The following EXD2 variants were observed in gnomAD, a reference collection of about 807,000 sequenced individuals.
The protein encoded by EXD2 is exonuclease 3'-5' domain-containing protein 2.
Under a neutral mutation model 62.5 loss-of-function variants are expected in EXD2, and 40 were observed. The ratio of observed to expected loss-of-function variants is 0.64; its 90% CI spans 0.50 to 0.83. The LOEUF is 0.83. EXD2 is among the 40% of genes least tolerant of loss of function. The probability of loss-of-function intolerance (pLI) is 0.00; values close to 1 mark genes in which losing one functional copy is unlikely to be tolerated. For missense variants in EXD2, 671 were observed against 761.8 expected, an observed-to-expected ratio of 0.88 and a Z score of 1.40; for synonymous variants, 239 against 291.9, an observed-to-expected ratio of 0.82 and a Z score of 1.85.
rs546968027 is a variant in EXD2, at chr14:69,228,866, C to T, written c.384C>T (p.Ser128=). ...CTCTGTCACTTCTACAAATGGCCTCCCCAAGTGGCCTGTGTGTCTTGGTTC... is the reference window on the plus strand; with the variant it reads ...CTCTGTCACTTCTACAAATGGCCTCTCCAAGTGGCCTGTGTGTCTTGGTTC... ...ASPLSLLQMA[S]PSGLCVLVRL... The change falls in exon 4 of 10, where the codon TCC becomes TCT. Residue 128 remains serine, a synonymous_variant. Coordinates refer to ENST00000685843, the MANE Select transcript of EXD2 (RefSeq NM_001193360.2). 296 of 1,614,128 alleles carry T rather than the reference C, an allele frequency of 1.8e-4. 2 individuals are homozygous for T. In the South Asian group the frequency reaches 3.1e-3, roughly 17 times the overall value.
intron 3 of EXD2, among the ~76,000 whole-genome samples, chr14:69,210,942 G>T (rs1327408379): frequency 6.6e-6 from 1 of 152,202 alleles, no homozygotes; most frequent in African/African-American, 2.4e-5. Context: ...TCAGCAAGTT[G>T]TAATCTTTTT....
intron 5 of EXD2, among the ~76,000 whole-genome samples, chr14:69,233,400 A>G (rs1249112890): frequency 1.3e-5 from 2 of 151,578 alleles, no homozygotes; most frequent in Non-Finnish European, 2.9e-5. Flanking sequence ...TTAAAATTTT[A>G]GTTTTTTTTT....
intron 2 of EXD2, among the ~76,000 whole-genome samples, chr14:69,208,579 C>T (rs900191732): frequency 6.6e-6 from 1 of 152,206 alleles, no homozygotes; most frequent in African/African-American, 2.4e-5. Flanking sequence ...GCTGTATACT[C>T]ATTTCTTTCT....
intron 5 of EXD2, among the ~76,000 whole-genome samples, chr14:69,231,372 G>A (rs114352320): frequency 0.013 from 2,010 of 152,066 alleles, 42 homozygotes; most frequent in African/African-American, 0.047. Flanking sequence ...ACATCATACT[G>A]TGGGAGATAC....
In EXD2 at chr14:69,202,071, G is replaced by T. The variant is rs556262806; in HGVS notation, c.-131-1846G>T. 1.5e-3 allele frequency among the ~76,000 whole-genome samples: 224 copies of T among 152,184 alleles called. 1 individual carries two copies. Among genetic ancestry groups the T allele is most frequent in the African/African-American group, 5.2e-3 (214 of 41,506 alleles). On this transcript the variant is annotated intron_variant, in intron 1 of 9. Coordinates refer to ENST00000685843, the MANE Select transcript of EXD2 (RefSeq NM_001193360.2). ...TTTGGGAGGTTGATGTGGGCAGATC[G>T]CTTGAGCTCAGGAGTTCAAGACCAG...
chr14:69,207,850 TGC>T lies in EXD2; in HGVS notation c.-47-1573_-47-1572del, dbSNP rs1407995446. Among the ~76,000 whole-genome samples the T allele has an allele frequency of 3.9e-5, 6 of 152,206 alleles. No homozygotes were observed. The South Asian group carries it at 8.3e-4, about 21-fold the overall frequency. Reference sequence around the variant, plus strand: ...TCATCAGCTTGTGCCGAATGGTTGCTGCTCCATGTTTTCTCCCTGGCCCTGAG... The same window carrying T: ...TCATCAGCTTGTGCCGAATGGTTGCTTCCATGTTTTCTCCCTGGCCCTGAG... On this transcript the variant is annotated intron_variant, in intron 2 of 9. Transcript: ENST00000685843.
chr14:69,236,217 A>C (rs1292447699), intron 7 of EXD2, 65 bp downstream of exon 7: 4 of 1,523,088 alleles, frequency 2.6e-6, no homozygotes, highest in Non-Finnish European at 3.6e-6. Context: ...AGGAGTGGGG[A>C]GTGAGATAAG....
intron 1 of EXD2, chr14:69,196,349 G>A (rs1257359411): frequency 6.6e-6 from 1 of 152,122 alleles, no homozygotes; most frequent in Non-Finnish European, 1.5e-5. Context: ...TATCTTTTTG[G>A]GGAATACGAT....
Position 69,206,455 on chromosome 14 carries a change from CTTTTTTTTTTTT to C in EXD2, c.-48+2475_-48+2486del, listed in dbSNP as rs56333403. 1.2e-3 allele frequency among the ~76,000 whole-genome samples: 109 copies of C among 94,640 alleles called. 2 individuals are homozygous for C. Among genetic ancestry groups the C allele is most frequent in the African/African-American group, 4.0e-3 (88 of 22,180 alleles). 62.1% of individuals were successfully genotyped at this position (94,640 alleles called of 152,430 possible). On this transcript the variant is annotated intron_variant, in intron 2 of 9. Coordinates refer to ENST00000685843, the MANE Select transcript of EXD2 (RefSeq NM_001193360.2). ...CCCAGCTTCATCTCCCACCCACCCA[CTTTTTTTTTTTT>C]TTTTTTTTTTTTTTTTTTTGAGATA... is the stretch of plus-strand genomic sequence containing the variant.
chr14:69,240,536 G>T (rs2043946069), intron 9 of EXD2, among the ~76,000 whole-genome samples: 1 of 152,130 alleles, frequency 6.6e-6, no homozygotes, highest in African/African-American at 2.4e-5. Context: ...TAAAAGAGGG[G>T]TGAACTGGTC....
rs1194042725 is a variant in EXD2 at position 69,192,561 on chromosome 14, C to T, written c.-132+970C>T. Among the ~76,000 whole-genome samples, 11 of 151,858 alleles carry T rather than the reference C, an allele frequency of 7.2e-5. No individual in the cohort carries two copies. In the East Asian group the frequency reaches 1.2e-3, roughly 16 times the overall value. On this transcript the variant is annotated intron_variant, in intron 1 of 9. Coordinates refer to ENST00000685843, the MANE Select transcript of EXD2 (RefSeq NM_001193360.2). ...AGGGTGGGGAGTGTGGAAGACAGATCCTCTTTGATTTTGTTTTTTTCCATC... is the reference window on the plus strand; with the variant it reads ...AGGGTGGGGAGTGTGGAAGACAGATTCTCTTTGATTTTGTTTTTTTCCATC...
At chr14:69,226,620 C>T (rs1223959122) in intron 3 of EXD2, among the ~76,000 whole-genome samples, 26 of 151,968 alleles carry the variant, frequency 1.7e-4, no homozygotes, top group Admixed American at 1.6e-3. Context: ...TGGTGGCAGG[C>T]GCCTATAATC....
Position 69,230,500 on chromosome 14 carries a change from CT to C in EXD2, c.620del (p.Leu207ArgfsTer9). ...CAATTTGCTCTGTAATGGGCTTAGC[CT>C]GAAGTCCCTCGCTGAGACTGTTTTG... The part of the protein sequence containing the change: ...RNNLLCNGLS[L>X]KSLAETVLNF... On this transcript the variant is annotated frameshift_variant, in exon 5 of 10. Transcript: ENST00000685843. LOFTEE classifies it high-confidence loss of function. 1 of 1,613,372 alleles carries C rather than the reference CT, an allele frequency of 6.2e-7. No homozygotes were observed. The highest frequency in any genetic ancestry group is 8.5e-7 in the Non-Finnish European group (1 of 1,179,664).
In EXD2 at chr14:69,243,206, TGTC is replaced by T. The variant is rs1293529755; in HGVS notation, c.*2110_*2112del. 7 of 152,358 alleles carry T rather than the reference TGTC, an allele frequency of 4.6e-5. No individual in the cohort carries two copies. Among genetic ancestry groups the T allele is most frequent in the African/African-American group, 1.7e-4 (7 of 41,598 alleles). 9.4% of individuals were successfully genotyped at this position (152,358 alleles called of 1,614,324 possible). A position where few individuals can be genotyped will look rare whatever the true frequency, so the allele number is the denominator to read the frequency against. On this transcript the variant is annotated 3_prime_UTR_variant, in exon 10 of 10. Coordinates refer to ENST00000685843, the MANE Select transcript of EXD2 (RefSeq NM_001193360.2). ...GCAGGCTTTTCCTAAGACTGACAAT[TGTC>T]GTCTTAAATCAGAGATTTGAGGGTA...
intron 1 of EXD2, among the ~76,000 whole-genome samples, chr14:69,197,970 T>C (rs2042263689): frequency 6.6e-6 from 1 of 152,200 alleles, no homozygotes; most frequent in African/African-American, 2.4e-5. Flanking sequence ...TGGCACATGA[T>C]TGGTCCTGTT....
chr14:69,236,027 C>T lies in EXD2; in HGVS notation c.1050-19C>T, dbSNP rs1182686068. On this transcript the variant is annotated intron_variant, in intron 6 of 9. Coordinates refer to ENST00000685843, the MANE Select transcript of EXD2 (RefSeq NM_001193360.2). ...ACAGTTAGCTTCCGGTTTGAGATTT[C>T]TCTTTCCTTTCCCTGCAGAAAATCA... The T allele has an allele frequency of 6.3e-7, 1 of 1,598,076 alleles. No individual in the cohort carries two copies. The highest frequency in any genetic ancestry group is 1.7e-5 in the Admixed American group (1 of 60,002).
chr14:69,237,587 T>C lies in EXD2; in HGVS notation c.1305T>C (p.Ile435=). The change falls in exon 9 of 10, where the codon ATT becomes ATC. Residue 435 remains isoleucine (I), a synonymous_variant. Transcript: ENST00000685843. The part of the protein sequence containing the change: ...KRDSYIRKNV[I]PHEYRKHFPI... ...GGGCTTGTTCCAGGAAGAACGTGAT[T>C]CCACATGAGTACCGGAAGCACTTCC... 6.2e-7 allele frequency: 1 copy of C among 1,614,202 alleles called. No homozygotes were observed. Among genetic ancestry groups the C allele is most frequent in the Non-Finnish European group, 8.5e-7 (1 of 1,180,032 alleles).
chr14:69,198,793 C>T (rs1157770203), intron 1 of EXD2, among the ~76,000 whole-genome samples: 1 of 152,198 alleles, frequency 6.6e-6, no homozygotes, highest in Non-Finnish European at 1.5e-5. Flanking sequence ...TAGCTGACTA[C>T]ACACCTAGGC....
chr14:69,212,699 A>ATTTTCTTTT (rs747694470), intron 3 of EXD2, among the ~76,000 whole-genome samples: 2 of 57,316 alleles, frequency 3.5e-5, no homozygotes, highest in Non-Finnish European at 6.0e-5. Flanking sequence ...ATGGTTCTTG[A>ATTTTCTTTT]TTTTTTTTTT....
Sources: gnomAD v4.1 joint callset for allele counts (sites outside exome capture counted in the v4.1 genomes callset) on GRCh38, gnomAD v4.1.1 for gene constraint, MANE v1.5 for transcripts, NCBI Gene and HGNC (gene_info 2026-07-23, HGNC 2026-07-21) for gene names.